The following ODF2 variants were observed in gnomAD, a reference collection of about 807,000 sequenced individuals.
The protein encoded by ODF2 is outer dense fiber of sperm tails 2, also known as outer dense fiber protein 2.
A neutral mutation model predicts 110.2 loss-of-function variants in ODF2; 47 were observed. The ratio of observed to expected loss-of-function variants is 0.43; its 90% CI spans 0.34 to 0.54. ODF2 has a LOEUF of 0.54. Among genes scored for constraint, ODF2 ranks in the 20% least tolerant of loss-of-function variants. ODF2 has a pLI of 0.03. For missense variants in ODF2, 812 were observed against 1,054.5 expected (o/e 0.77, Z 3.19); for synonymous variants, 352 against 397.7 (o/e 0.89, Z 1.37).
At chr9:128,469,003 A>G (rs1390146464) in intron 4 of ODF2, 180 bp from the exon 5 acceptor site, 4 of 562,344 alleles carry the variant, frequency 7.1e-6, no homozygotes, top group Non-Finnish European at 1.2e-5. Flanking sequence ...CTCCAAAACC[A>G]TCATTTAAAC....
In ODF2 at chr9:128,494,930, C is replaced by A; in HGVS notation, c.1911+262C>A. On this transcript the variant is annotated intron_variant, in intron 17 of 20. Transcript: ENST00000604420. This position sits in a 1 kb window ranked among gnomAD's most constrained non-coding sequence, Gnocchi z 4.6. ...CTGCTGTTGCCCCCACCCAAGACTG[C>A]TGCCTCTGCCTGTGTGCTCCGCAGC... 1 of 1,059,282 alleles carries A rather than the reference C, an allele frequency of 9.4e-7. No homozygotes were observed. Among genetic ancestry groups the A allele is most frequent in the Non-Finnish European group, 1.3e-6 (1 of 759,846 alleles). 65.6% of individuals were successfully genotyped at this position (1,059,282 alleles called of 1,614,324 possible).
chr9:128,469,375 G>A, intron 5 of ODF2, 22 bp downstream of exon 5: 1 of 1,612,452 alleles, frequency 6.2e-7, no homozygotes. Flanking sequence ...AGGGGGCTGG[G>A]ATAGCTACTA....
Position 128,498,400 on chromosome 9 carries a change from T to C in ODF2, c.2013-13T>C. 6.4e-7 allele frequency: 1 copy of C among 1,567,522 alleles called. No homozygotes were observed. Among genetic ancestry groups the C allele is most frequent in the Non-Finnish European group, 8.6e-7 (1 of 1,156,910 alleles). On this transcript the variant is annotated splice_polypyrimidine_tract_variant and intron_variant, in intron 18 of 20. Transcript: ENST00000604420. ...GGGGTATGCCCAGGATCTGATTGAG[T>C]GCTTTCACCTAGGAAACTGGAGGCG...
At chr9:128,459,601 C>T in exon 3 of ODF2, 1 of 1,614,022 alleles carries the variant, frequency 6.2e-7, no homozygotes, top group South Asian at 1.1e-5. Context: ...AGTAACGAGT[C>T]TCACGCAGAA....
At chr9:128,456,716 T>TC in intron 1 of ODF2, 1 of 1,302,972 alleles carries the variant, frequency 7.7e-7, no homozygotes, top group Non-Finnish European at 9.8e-7. Flanking sequence ...GGCAGCGCTG[T>TC]CCCCCGGGCA....
chr9:128,457,295 C>G, exon 2 of ODF2: 1 of 1,606,502 alleles, frequency 6.2e-7, no homozygotes, highest in South Asian at 1.1e-5. Flanking sequence ...TCAGAGAGGA[C>G]GTTTGATGCC....
At chr9:128,488,394 C>A (rs1357127657) in intron 14 of ODF2, among the ~76,000 whole-genome samples, 1 of 152,146 alleles carries the variant, frequency 6.6e-6, no homozygotes, top group Admixed American at 6.5e-5. Flanking sequence ...CACTGCACTC[C>A]AGCCTGGAAA....
upstream of ODF2, chr9:128,456,007 G>T (rs1588653521): frequency 1.4e-6 from 2 of 1,419,434 alleles, no homozygotes; most frequent in African/African-American, 3.0e-5. Flanking sequence ...CGGCCCTTCT[G>T]GCGGGGCGGG....
At chr9:128,478,042 C>T (rs1011982383) in intron 8 of ODF2, among the ~76,000 whole-genome samples, 6 of 151,990 alleles carry the variant, frequency 3.9e-5, no homozygotes, top group Non-Finnish European at 5.9e-5. Context: ...CACTCTGTCA[C>T]CCAGGCTGAA....
intron 18 of ODF2, chr9:128,496,368 T>A: frequency 7.2e-7 from 1 of 1,388,430 alleles, no homozygotes; most frequent in Non-Finnish European, 9.5e-7. Flanking sequence ...ATGATCAGGA[T>A]CTGCCCACCT....
At position 128,464,966 on chromosome 9, in the gene ODF2, A is replaced by T. The variant is rs965882963; in HGVS notation, c.249+3899A>T. ...CGCCTTGGCCTCCCAAAGTGCTGGTATTACAGGCGTGAGCCACTGTGCCTG... is the reference window on the plus strand; with the variant it reads ...CGCCTTGGCCTCCCAAAGTGCTGGTTTTACAGGCGTGAGCCACTGTGCCTG... On this transcript the variant is annotated intron_variant, in intron 4 of 20. Coordinates refer to ENST00000604420, the Ensembl canonical transcript of ODF2. Among the ~76,000 whole-genome samples, 28 of 152,060 alleles carry T rather than the reference A, an allele frequency of 1.8e-4. 1 individual carries two copies. Among genetic ancestry groups the T allele is most frequent in the Admixed American group, 1.8e-3 (28 of 15,228 alleles).
intron 14 of ODF2, among the ~76,000 whole-genome samples, chr9:128,491,282 G>T: frequency 6.6e-6 from 1 of 151,632 alleles, no homozygotes; most frequent in Non-Finnish European, 1.5e-5. Context: ...TGACCTCGTG[G>T]TCTGCCCACC....
chr9:128,492,679 C>T (rs1385174643), intron 15 of ODF2, 22 bp from the exon 16 acceptor site: 1 of 1,605,746 alleles, frequency 6.2e-7, no homozygotes, highest in East Asian at 2.2e-5. Flanking sequence ...CTAAGATGAA[C>T]CACAGTGTTG....
At position 128,494,842 on chromosome 9, in the gene ODF2, T is replaced by C; in HGVS notation, c.1911+174T>C. On this transcript the variant is annotated intron_variant, in intron 17 of 20. Coordinates refer to ENST00000604420, the Ensembl canonical transcript of ODF2. This position sits in a 1 kb window ranked among gnomAD's most constrained non-coding sequence, Gnocchi z 4.6. ...TAAAAGTCTGGTGTGCCAAATGCCA[T>C]GTGTTTGCACAAAGTGATTGTAGTT... 6.7e-7 allele frequency: 1 copy of C among 1,498,004 alleles called. No homozygotes were observed. The highest frequency in any genetic ancestry group is 8.9e-7 in the Non-Finnish European group (1 of 1,124,166). The allele number at this position is 1,498,004 out of a possible 1,614,324, so 92.8% of individuals were successfully genotyped here.
In ODF2 at chr9:128,499,218, T is replaced by C; in HGVS notation, c.2301+92T>C. 4.1e-6 allele frequency: 6 copies of C among 1,471,154 alleles called. 1 individual carries two copies. The South Asian group carries it at 7.3e-5, about 18-fold the overall frequency. 91.1% of individuals were successfully genotyped at this position (1,471,154 alleles called of 1,614,324 possible). A position where few individuals can be genotyped will look rare whatever the true frequency, so the allele number is the denominator to read the frequency against. Reference sequence around the variant, plus strand: ...GCCAAGGTGTTTTGTTGTTACTGTTTTTGTGAATATGACATGGTTTTATTT... The same window carrying C: ...GCCAAGGTGTTTTGTTGTTACTGTTCTTGTGAATATGACATGGTTTTATTT... On this transcript the variant is annotated intron_variant, in intron 20 of 20. Coordinates refer to ENST00000604420, the Ensembl canonical transcript of ODF2.
upstream of ODF2, chr9:128,455,190 T>G (rs893509505): frequency 6.5e-7 from 1 of 1,535,300 alleles, no homozygotes; most frequent in South Asian, 1.2e-5. Flanking sequence ...GAAGCATAAT[T>G]GAGAAGATGG....
chr9:128,486,949 C>T (rs1300542274), intron 13 of ODF2, among the ~76,000 whole-genome samples: 1 of 152,130 alleles, frequency 6.6e-6, no homozygotes, highest in African/African-American at 2.4e-5. Context: ...AACACCAAGA[C>T]CTGATAGGCA....
intron 8 of ODF2, 49 bp downstream of exon 8, chr9:128,473,790 C>G (rs1334786642): frequency 6.5e-7 from 1 of 1,536,320 alleles, no homozygotes; most frequent in South Asian, 1.1e-5. Context: ...TGCCCATCCT[C>G]TCTGAGCCTT....
At chr9:128,476,406 G>A (rs1841269841) in intron 8 of ODF2, among the ~76,000 whole-genome samples, 2 of 151,980 alleles carry the variant, frequency 1.3e-5, no homozygotes, top group Admixed American at 6.6e-5. Context: ...TCCTGTCTCA[G>A]CCTCCCTAGT....
Sources: gnomAD v4.1 joint callset for allele counts (sites outside exome capture counted in the v4.1 genomes callset) on GRCh38, gnomAD v4.1.1 for gene constraint, Gnocchi (gnomAD v3.1) non-coding constraint, MANE v1.5 for transcripts, NCBI Gene and HGNC (gene_info 2026-07-23, HGNC 2026-07-21) for gene names.